The following ZDHHC15 variants were observed in gnomAD, a reference collection of about 807,000 sequenced individuals.
ZDHHC15 encodes palmitoyltransferase ZDHHC15.
ZDHHC15 carries 19 observed loss-of-function variants against 31.7 expected under a neutral mutation model. That is an observed-to-expected ratio of 0.60 (90% CI 0.42 to 0.88). The LOEUF (loss-of-function observed/expected upper bound fraction) is 0.88, where lower values mean the gene tolerates loss of function less well. ZDHHC15 is among the 40% of genes least tolerant of loss of function. The pLI is 0.00. For synonymous variants in ZDHHC15, 103 were observed against 90.0 expected (o/e 1.14, Z -0.82); for missense variants, 209 against 251.2 (o/e 0.83, Z 1.14).
intron 4 of ZDHHC15, among the ~76,000 whole-genome samples, chrX:75,437,448 C>G (rs1427320936): frequency 3.0e-5 from 2 of 65,929 alleles, no homozygotes; most frequent in African/African-American, 1.2e-4. Flanking sequence ...CCCCCCACCC[C>G]ACAACAGTCC....
chrX:75,517,672 G>A (rs1466239047), intron 1 of ZDHHC15, among the ~76,000 whole-genome samples: 1 of 108,205 alleles, frequency 9.2e-6, no homozygotes, highest in Non-Finnish European at 1.9e-5. Flanking sequence ...CACCAACATG[G>A]CACATGTATA....
chrX:75,422,250 G>T (rs1370042296), intron 8 of ZDHHC15, among the ~76,000 whole-genome samples: 1 of 111,726 alleles, frequency 9.0e-6, no homozygotes, highest in East Asian at 2.8e-4. Context: ...GAAACACATG[G>T]TGGCAGAAAT....
Position 75,399,811 on chromosome X carries a change from G to A in ZDHHC15, c.967+17276C>T, listed in dbSNP as rs763428951. Among the ~76,000 whole-genome samples the A allele has an allele frequency of 3.6e-5, 4 of 111,357 alleles. No homozygotes were observed. In the South Asian group the frequency reaches 1.5e-3, roughly 43 times the overall value. On this transcript the variant is annotated intron_variant, in intron 10 of 11. Transcript: ENST00000373367. ...TGAGCAAGAGTCTACCAAATGACCA[G>A]TAAGCCTGAGTGTCACCTGCTGGTT...
chrX:75,517,826 G>T (rs992355739), intron 1 of ZDHHC15, among the ~76,000 whole-genome samples: 1 of 110,143 alleles, frequency 9.1e-6, no homozygotes, highest in Non-Finnish European at 1.9e-5. Context: ...CTAAAGGTGA[G>T]AGCTAAAAGT....
At chrX:75,452,426 A>C (rs1451010151) in intron 3 of ZDHHC15, among the ~76,000 whole-genome samples, 2 of 111,007 alleles carry the variant, frequency 1.8e-5, no homozygotes, top group Non-Finnish European at 3.8e-5. Flanking sequence ...CTTAGACTCC[A>C]CACAATAATA....
At chrX:75,505,327 G>A (rs1306425292) in intron 2 of ZDHHC15, among the ~76,000 whole-genome samples, 2 of 111,450 alleles carry the variant, frequency 1.8e-5, no homozygotes, top group Non-Finnish European at 3.8e-5. Flanking sequence ...TTTTTAAATG[G>A]AAAAATGCCA....
At chrX:75,469,634 A>T (rs1379497569) in intron 3 of ZDHHC15, among the ~76,000 whole-genome samples, 2 of 111,845 alleles carry the variant, frequency 1.8e-5, no homozygotes, top group Non-Finnish European at 3.8e-5. Context: ...TTACCAGTTC[A>T]TTTGGGTTGC....
At chrX:75,414,426 C>CTTTTTTTTTT (rs1177332052) in intron 10 of ZDHHC15, among the ~76,000 whole-genome samples, 2 of 66,203 alleles carry the variant, frequency 3.0e-5, no homozygotes, top group African/African-American at 1.2e-4. Flanking sequence ...CATATTTTAT[C>CTTTTTTTTTT]TTTTTTTTTT....
At chrX:75,452,877 A>G (rs892499403) in intron 3 of ZDHHC15, among the ~76,000 whole-genome samples, 5 of 112,267 alleles carry the variant, frequency 4.5e-5, no homozygotes, top group African/African-American at 1.6e-4. Context: ...GGACACATTT[A>G]AAGCAGTGTG....
chrX:75,500,032 T>C (rs2085065787), intron 2 of ZDHHC15, among the ~76,000 whole-genome samples: 1 of 111,341 alleles, frequency 9.0e-6, no homozygotes, highest in South Asian at 3.8e-4. Flanking sequence ...GTCTCAGAAA[T>C]AGAAAACCAA....
chrX:75,510,241 C>G (rs147338850), intron 1 of ZDHHC15, among the ~76,000 whole-genome samples: 2 of 111,347 alleles, frequency 1.8e-5, no homozygotes, highest in African/African-American at 6.5e-5. Context: ...GATGGAGGTG[C>G]AGAAATTTGT....
At chrX:75,464,581 G>C (rs768518102) in intron 3 of ZDHHC15, among the ~76,000 whole-genome samples, 9 of 111,418 alleles carry the variant, frequency 8.1e-5, no homozygotes, top group Non-Finnish European at 1.3e-4. Flanking sequence ...CTGGCATAAT[G>C]AATCCAGCAG....
intron 10 of ZDHHC15, among the ~76,000 whole-genome samples, chrX:75,400,477 T>A (rs1416662568): frequency 9.1e-6 from 1 of 110,259 alleles, no homozygotes; most frequent in Non-Finnish European, 1.9e-5. Context: ...AAGTATGAGA[T>A]TATGTAAAGA....
At chrX:75,379,426 C>T (rs1378402062) in intron 10 of ZDHHC15, among the ~76,000 whole-genome samples, 4 of 112,255 alleles carry the variant, frequency 3.6e-5, no homozygotes, top group Non-Finnish European at 7.5e-5. Flanking sequence ...ATTATCTGAT[C>T]TATAATACTG....
chrX:75,402,402 C>A (rs1048074678), intron 10 of ZDHHC15, among the ~76,000 whole-genome samples: 1 of 110,607 alleles, frequency 9.0e-6, no homozygotes, highest in Non-Finnish European at 1.9e-5. Context: ...CACAGCTGAA[C>A]TGAAGGAAAT....
intron 3 of ZDHHC15, among the ~76,000 whole-genome samples, chrX:75,454,814 T>A (rs149999028): frequency 0.018 from 2,015 of 111,416 alleles, 56 homozygotes; most frequent in African/African-American, 0.062. Flanking sequence ...TTACAAGGGA[T>A]GTGAAGGACC....
rs541238663 is a variant in ZDHHC15 at position 75,383,734 on chromosome X, G to GTTTTTTTTTTTTTT, written c.968-4537_968-4536insAAAAAAAAAAAAAA. On this transcript the variant is annotated intron_variant, in intron 10 of 11. Transcript: ENST00000373367. The stretch of plus-strand genomic sequence containing the variant: ...ACTACCCCAAATTTAAGAAATGTTA[G>GTTTTTTTTTTTTTT]GTTTTTTTTTTTTTTTTTTTTTGAG... Among the ~76,000 whole-genome samples, 8 of 77,793 alleles carry GTTTTTTTTTTTTTT rather than the reference G, an allele frequency of 1.0e-4. 4 individuals carry two copies. The highest frequency in any genetic ancestry group is 4.8e-5 in the Non-Finnish European group (2 of 41,880). The allele number at this position is 77,793 out of a possible 115,157, so 67.6% of individuals were successfully genotyped here. A position where few individuals can be genotyped will look rare whatever the true frequency, so the allele number is the denominator to read the frequency against.
intron 3 of ZDHHC15, among the ~76,000 whole-genome samples, chrX:75,462,912 G>T (rs750493372): frequency 9.0e-6 from 1 of 110,654 alleles, no homozygotes; most frequent in African/African-American, 3.3e-5. Flanking sequence ...ACGAGAAATA[G>T]CCAAGATCAG....
At chrX:75,469,658 C>T (rs1438999615) in intron 3 of ZDHHC15, among the ~76,000 whole-genome samples, 1 of 111,968 alleles carries the variant, frequency 8.9e-6, no homozygotes, top group Non-Finnish European at 1.9e-5. Flanking sequence ...CACCTTTTGG[C>T]TATTGTGAAT....
Sources: allele counts gnomAD v4.1 joint callset (sites outside exome capture counted in the v4.1 genomes callset), GRCh38; gene constraint gnomAD v4.1.1; transcripts MANE v1.5; gene names NCBI Gene and HGNC (gene_info 2026-07-23, HGNC 2026-07-21).